PPARGC1A: variants seen among roughly 807,000 people sequenced by gnomAD.
PPARGC1A encodes the protein peroxisome proliferator-activated receptor gamma coactivator 1-alpha.
Under a neutral mutation model 88.7 loss-of-function variants are expected in PPARGC1A, and 25 were observed. The ratio of observed to expected loss-of-function variants is 0.28; its 90% CI spans 0.21 to 0.39. The LOEUF (loss-of-function observed/expected upper bound fraction) is 0.39, where lower values mean the gene tolerates loss of function less well. PPARGC1A is among the 10% of genes least tolerant of loss of function. The probability of loss-of-function intolerance (pLI) is 1.00; values close to 1 mark genes in which losing one functional copy is unlikely to be tolerated. For missense variants in PPARGC1A, 880 were observed against 968.7 expected (o/e 0.91, Z 1.22); for synonymous variants, 363 against 355.6 (o/e 1.02, Z -0.24).
chr4:23,890,148 T>C, upstream of PPARGC1A: 2 of 1,245,184 alleles, frequency 1.6e-6, no homozygotes, highest in Non-Finnish European at 2.0e-6. Context: ...TCCCTTCCCC[T>C]GTGCAGCTTG....
At chr4:24,009,761 G>C in the PPARGC1A span, among the ~76,000 whole-genome samples, 1 of 152,192 alleles carries the variant, frequency 6.6e-6, no homozygotes, top group Non-Finnish European at 1.5e-5. Context: ...CCCACAAACA[G>C]GCTGTAGCTC....
At chr4:24,348,141 C>G in the PPARGC1A span, among the ~76,000 whole-genome samples, 6 of 152,148 alleles carry the variant, frequency 3.9e-5, no homozygotes, top group African/African-American at 1.4e-4. Flanking sequence ...GTCCCCAATC[C>G]CTTCTAGCTT....
the PPARGC1A span, among the ~76,000 whole-genome samples, chr4:24,225,193 A>G: frequency 3.9e-5 from 6 of 152,326 alleles, no homozygotes; most frequent in East Asian, 5.8e-4. Context: ...AGGAGAAAGG[A>G]AAGAATCAGT....
chr4:24,310,493 G>GA, the PPARGC1A span, among the ~76,000 whole-genome samples: 1 of 152,162 alleles, frequency 6.6e-6, no homozygotes, highest in Non-Finnish European at 1.5e-5. Context: ...AAGAGAGAGA[G>GA]AAAAAACTGT....
chr4:24,323,328 C>T, the PPARGC1A span, among the ~76,000 whole-genome samples: 1 of 152,238 alleles, frequency 6.6e-6, no homozygotes, highest in Non-Finnish European at 1.5e-5. Flanking sequence ...TCCCCTGTGA[C>T]TTGCACATAT....
At chr4:23,958,070 T>C in the PPARGC1A span, among the ~76,000 whole-genome samples, 3 of 152,098 alleles carry the variant, frequency 2.0e-5, no homozygotes, top group Non-Finnish European at 4.4e-5. Context: ...AAACAAAAGC[T>C]TCCCATAGTT....
At chr4:24,052,685 G>A in the PPARGC1A span, among the ~76,000 whole-genome samples, 2 of 150,888 alleles carry the variant, frequency 1.3e-5, no homozygotes, top group African/African-American at 4.9e-5. Flanking sequence ...CATTTCCAGT[G>A]CTCTCATTTT....
chr4:24,177,529 C>A, the PPARGC1A span, among the ~76,000 whole-genome samples: 1 of 151,692 alleles, frequency 6.6e-6, no homozygotes, highest in Admixed American at 6.6e-5. Context: ...TGACGAGTGA[C>A]TGGGTGCAGC....
At chr4:24,296,419 G>A in the PPARGC1A span, among the ~76,000 whole-genome samples, 1 of 151,946 alleles carries the variant, frequency 6.6e-6, no homozygotes, top group African/African-American at 2.4e-5. Context: ...ATTTTATGTT[G>A]CAACCCTATC....
At chr4:24,233,764 A>G in the PPARGC1A span, among the ~76,000 whole-genome samples, 15 of 152,306 alleles carry the variant, frequency 9.8e-5, no homozygotes, top group East Asian at 2.9e-3. Flanking sequence ...AAAAAAAAAA[A>G]TTAATAGTCT....
rs1716813672 is a variant in PPARGC1A, at chr4:23,792,522, T to G, written c.*3300A>C. 1 of 151,766 alleles carries G rather than the reference T, an allele frequency of 6.6e-6. No homozygotes were observed. Among genetic ancestry groups the G allele is most frequent in the Non-Finnish European group, 1.5e-5 (1 of 67,864 alleles). 9.4% of individuals were successfully genotyped at this position (151,766 alleles called of 1,614,324 possible). On this transcript the variant is annotated 3_prime_UTR_variant, in exon 13 of 13. Coordinates refer to ENST00000264867, the MANE Select transcript of PPARGC1A (RefSeq NM_013261.5). The stretch of plus-strand genomic sequence containing the variant: ...AGTTCCCTCTCTGCTGCTTTGAATG[T>G]TGACAGCCCAACTGTTGTTCTCGGA...
At chr4:23,855,950 C>A (rs60370794) in intron 2 of PPARGC1A, among the ~76,000 whole-genome samples, 244 of 152,298 alleles carry the variant, frequency 1.6e-3, no homozygotes, top group African/African-American at 5.7e-3. Context: ...TGTCACCAGA[C>A]TCAACATATA....
At chr4:24,390,343 C>T in the PPARGC1A span, among the ~76,000 whole-genome samples, 2 of 151,818 alleles carry the variant, frequency 1.3e-5, no homozygotes, top group Admixed American at 6.6e-5. Flanking sequence ...ATCCTGGCCC[C>T]TTTTATGCAT....
chr4:24,077,572 G>A, the PPARGC1A span, among the ~76,000 whole-genome samples: 19 of 146,560 alleles, frequency 1.3e-4, no homozygotes, highest in African/African-American at 4.6e-4. Flanking sequence ...GAATATTTTA[G>A]TAGATTTTCT....
At chr4:24,170,474 T>A in the PPARGC1A span, among the ~76,000 whole-genome samples, 1 of 152,212 alleles carries the variant, frequency 6.6e-6, no homozygotes, top group Non-Finnish European at 1.5e-5. Context: ...ATTTTTAAAC[T>A]GAGCTAAATT....
chr4:23,910,236 AAT>A, the PPARGC1A span, among the ~76,000 whole-genome samples: 26 of 105,400 alleles, frequency 2.5e-4, 1 homozygote, highest in East Asian at 1.3e-3. Context: ...TATTATATAT[AAT>A]ATATATAAAT....
the PPARGC1A span, among the ~76,000 whole-genome samples, chr4:24,443,970 G>A: frequency 3.3e-5 from 5 of 152,198 alleles, no homozygotes; most frequent in African/African-American, 7.2e-5. Context: ...AACAAACAAT[G>A]AAAGCAAGGA....
chr4:24,177,152 A>G, the PPARGC1A span, among the ~76,000 whole-genome samples: 1 of 152,204 alleles, frequency 6.6e-6, no homozygotes, highest in Non-Finnish European at 1.5e-5. Context: ...ATGCTGCTAT[A>G]AAGACACATG....
At chr4:23,855,746 A>G (rs1730082976) in intron 2 of PPARGC1A, among the ~76,000 whole-genome samples, 2 of 152,090 alleles carry the variant, frequency 1.3e-5, no homozygotes, top group South Asian at 2.1e-4. Context: ...ATCCTGGGAG[A>G]ATGTAAAGCT....
Sources: allele counts gnomAD v4.1 joint callset (sites outside exome capture counted in the v4.1 genomes callset), GRCh38; gene constraint gnomAD v4.1.1; transcripts MANE v1.5; gene names NCBI Gene and HGNC (gene_info 2026-07-23, HGNC 2026-07-21).